Variants in IL1RAPL1 observed in about 807,000 individuals in gnomAD.
IL1RAPL1 encodes the protein interleukin 1 receptor accessory protein like 1.
IL1RAPL1 carries 3 observed loss-of-function variants against 48.4 expected under a neutral mutation model. The observed-to-expected ratio is 0.06, with a 90% CI of 0.03 to 0.16. IL1RAPL1 has a LOEUF of 0.16. IL1RAPL1 is among the 10% of genes least tolerant of loss of function. IL1RAPL1 has a pLI of 1.00. For synonymous variants in IL1RAPL1, 185 were observed against 187.7 expected (o/e 0.99, Z 0.12); for missense variants, 349 against 530.6 (o/e 0.66, Z 3.36).
intron 1 of IL1RAPL1, among the ~76,000 whole-genome samples, chrX:28,628,593 C>A (rs1219576220): frequency 8.9e-6 from 1 of 112,177 alleles, no homozygotes; most frequent in Non-Finnish European, 1.9e-5. Flanking sequence ...AGCAGATGAG[C>A]TTTAAGCAGC....
intron 1 of IL1RAPL1, among the ~76,000 whole-genome samples, chrX:28,754,757 A>C (rs886490883): frequency 1.8e-4 from 20 of 112,155 alleles, no homozygotes; most frequent in Non-Finnish European, 7.5e-5. Context: ...GTTACTTCCA[A>C]CATTTTCATC....
At chrX:29,513,500 A>C (rs1310356508) in intron 5 of IL1RAPL1, among the ~76,000 whole-genome samples, 3 of 112,056 alleles carry the variant, frequency 2.7e-5, no homozygotes, top group Non-Finnish European at 3.8e-5. Flanking sequence ...TTGTTTTAAA[A>C]ATTCCTTTTT....
intron 3 of IL1RAPL1, among the ~76,000 whole-genome samples, chrX:29,293,087 A>G (rs1236505044): frequency 9.0e-6 from 1 of 111,586 alleles, no homozygotes; most frequent in Non-Finnish European, 1.9e-5. Context: ...AGACACGAAG[A>G]CATTTTCTAA....
At chrX:29,690,227 T>A (rs939859240) in intron 6 of IL1RAPL1, among the ~76,000 whole-genome samples, 1 of 111,606 alleles carries the variant, frequency 9.0e-6, no homozygotes, top group African/African-American at 3.3e-5. Context: ...ATATGTTGAG[T>A]CAAACTGTGG....
intron 2 of IL1RAPL1, among the ~76,000 whole-genome samples, chrX:29,001,938 C>T (rs1925863209): frequency 9.4e-6 from 1 of 106,154 alleles, no homozygotes; most frequent in Non-Finnish European, 1.9e-5. Flanking sequence ...GCTTCGTTGC[C>T]CAGGCTGGAG....
chrX:29,064,089 C>A (rs1927398228), intron 2 of IL1RAPL1, among the ~76,000 whole-genome samples: 1 of 111,646 alleles, frequency 9.0e-6, no homozygotes, highest in South Asian at 3.7e-4. Context: ...AAGAGTAGGG[C>A]AGAGAGAAAG....
intron 6 of IL1RAPL1, among the ~76,000 whole-genome samples, chrX:29,803,180 TATGTATATATGTATACATATACACAC>T (rs1569173777): frequency 2.5e-4 from 17 of 68,107 alleles, no homozygotes; most frequent in South Asian, 7.1e-4. Flanking sequence ...TGCATACATA[TATGTATATATGTATACATATACACAC>T]ATGTATATAT....
At chrX:28,771,451 G>A (rs1405431682) in intron 1 of IL1RAPL1, among the ~76,000 whole-genome samples, 2 of 111,747 alleles carry the variant, frequency 1.8e-5, no homozygotes, top group African/African-American at 6.5e-5. Flanking sequence ...CAGTGAGAGT[G>A]TCAGTCACCG....
intron 2 of IL1RAPL1, among the ~76,000 whole-genome samples, chrX:28,852,749 A>C: frequency 9.0e-6 from 1 of 111,626 alleles, no homozygotes; most frequent in Middle Eastern, 4.6e-3. Flanking sequence ...CAGAATCCAC[A>C]GAAGGGGTAA....
intron 6 of IL1RAPL1, among the ~76,000 whole-genome samples, chrX:29,815,931 T>C (rs1457833045): frequency 9.0e-6 from 1 of 111,297 alleles, no homozygotes; most frequent in Non-Finnish European, 1.9e-5. Flanking sequence ...AAGCTTGCAT[T>C]CCAGAAATAA....
At chrX:29,526,413 T>C (rs190699817) in intron 5 of IL1RAPL1, among the ~76,000 whole-genome samples, 61 of 111,396 alleles carry the variant, frequency 5.5e-4, no homozygotes, top group Non-Finnish European at 1.0e-3. Flanking sequence ...AAGACAGGAA[T>C]GAAATTAGAA....
intron 2 of IL1RAPL1, among the ~76,000 whole-genome samples, chrX:29,070,849 A>C (rs540560271): frequency 3.7e-4 from 41 of 111,856 alleles, no homozygotes; most frequent in South Asian, 1.5e-3. Context: ...ATATTGATTC[A>C]TGAGGTTAAT....
chrX:28,969,259 CAT>C (rs1363118967), intron 2 of IL1RAPL1, among the ~76,000 whole-genome samples: 6 of 111,986 alleles, frequency 5.4e-5, no homozygotes, highest in Non-Finnish European at 9.4e-5. Context: ...CAGAGACAAA[CAT>C]GTGTTTGAAA....
At chrX:29,652,175 A>G (rs1260606157) in intron 5 of IL1RAPL1, among the ~76,000 whole-genome samples, 1 of 112,078 alleles carries the variant, frequency 8.9e-6, no homozygotes, top group Non-Finnish European at 1.9e-5. Context: ...TTTTTTTGGA[A>G]TATCTTCTGT....
At position 29,801,623 on chromosome X, in the gene IL1RAPL1, T is replaced by C. The variant is rs762645650; in HGVS notation, c.779-115841T>C. On this transcript the variant is annotated intron_variant, in intron 6 of 10. Transcript: ENST00000378993. Reference sequence around the variant, plus strand: ...ATGATAGTGTGTTGATGTGAGGTTCTTTCGAATAATCCTTCTAAGTTTTAT... The same window carrying C: ...ATGATAGTGTGTTGATGTGAGGTTCCTTCGAATAATCCTTCTAAGTTTTAT... 5.3e-5 allele frequency among the ~76,000 whole-genome samples: 6 copies of C among 112,220 alleles called. No individual in the cohort carries two copies. The East Asian group carries it at 1.7e-3, about 31-fold the overall frequency.
chrX:28,974,808 T>G (rs1925165569), intron 2 of IL1RAPL1, among the ~76,000 whole-genome samples: 1 of 111,752 alleles, frequency 8.9e-6, no homozygotes, highest in Non-Finnish European at 1.9e-5. Flanking sequence ...TTTGGTTAGT[T>G]GAAAAGTGGA....
chrX:28,819,989 TATATATATATATATATATATATATAC>T (rs1291536898), intron 2 of IL1RAPL1, among the ~76,000 whole-genome samples: 2 of 79,523 alleles, frequency 2.5e-5, no homozygotes, highest in Non-Finnish European at 4.8e-5. Flanking sequence ...TATATATATA[TATATATATATATATATATATATATAC>T]ATGTACTGTA....
chrX:29,648,323 GATGC>G (rs1022643466), intron 5 of IL1RAPL1, among the ~76,000 whole-genome samples: 2 of 111,934 alleles, frequency 1.8e-5, no homozygotes, highest in Non-Finnish European at 3.8e-5. Context: ...CCATCCAACG[GATGC>G]AGAATACAGA....
chrX:29,109,468 C>A (rs1928517440), intron 2 of IL1RAPL1, among the ~76,000 whole-genome samples: 1 of 110,260 alleles, frequency 9.1e-6, no homozygotes, highest in African/African-American at 3.3e-5. Context: ...ATATTTAAGT[C>A]TCCCTTATTT....
Sources: allele counts gnomAD v4.1 joint callset (sites outside exome capture counted in the v4.1 genomes callset), GRCh38; gene constraint gnomAD v4.1.1; transcripts MANE v1.5; gene names NCBI Gene and HGNC (gene_info 2026-07-23, HGNC 2026-07-21).